The following MAF variants were observed in gnomAD, a reference collection of about 807,000 sequenced individuals.
MAF encodes MAF bZIP transcription factor, also known as transcription factor Maf.
In MAF, 10 loss-of-function variants were observed where a neutral mutation model predicts 22.0. The observed-to-expected ratio is 0.45, with a 90% CI of 0.28 to 0.77. The LOEUF (loss-of-function observed/expected upper bound fraction) is 0.77. Ranked by LOEUF, MAF falls within the 30% of genes least tolerant of loss-of-function variation. The pLI, the probability that MAF is intolerant of heterozygous loss-of-function variation, is 0.12. For synonymous variants in MAF, 337 were observed against 255.8 expected (o/e 1.32, Z -3.03); for missense variants, 544 against 548.4 (o/e 0.99, Z 0.08).
chr16:79,297,497 A>G, the MAF span, among the ~76,000 whole-genome samples: 3 of 152,114 alleles, frequency 2.0e-5, no homozygotes, highest in Admixed American at 1.3e-4. Flanking sequence ...TCCCAAGTTG[A>G]CCATATTTGG....
chr16:79,303,328 T>C, the MAF span, among the ~76,000 whole-genome samples: 1 of 152,206 alleles, frequency 6.6e-6, no homozygotes, highest in Non-Finnish European at 1.5e-5. Flanking sequence ...ACCAGGCAGA[T>C]AAATAGCAGG....
the MAF span, among the ~76,000 whole-genome samples, chr16:79,381,589 C>G: frequency 1.3e-5 from 2 of 152,196 alleles, no homozygotes; most frequent in African/African-American, 4.8e-5. Context: ...TCCCCCCATT[C>G]CTGGCCCTGG....
the MAF span, among the ~76,000 whole-genome samples, chr16:79,426,798 G>C: frequency 3.3e-5 from 5 of 152,310 alleles, no homozygotes; most frequent in East Asian, 7.7e-4. Flanking sequence ...TTTCCCTCTG[G>C]GTCTGTTAGC....
chr16:79,564,617 G>C, the MAF span, among the ~76,000 whole-genome samples: 1 of 152,168 alleles, frequency 6.6e-6, no homozygotes, highest in Non-Finnish European at 1.5e-5. Flanking sequence ...GGGGCATGGA[G>C]CACCCTGTGG....
chr16:79,415,498 G>C, the MAF span, among the ~76,000 whole-genome samples: 1 of 152,208 alleles, frequency 6.6e-6, no homozygotes, highest in Non-Finnish European at 1.5e-5. Context: ...ATGTGTTGGG[G>C]CAGAAGTCCC....
the MAF span, among the ~76,000 whole-genome samples, chr16:79,315,057 A>G: frequency 6.6e-6 from 1 of 152,322 alleles, no homozygotes; most frequent in East Asian, 1.9e-4. Flanking sequence ...TTTGTCTGCT[A>G]TATTATTAAT....
the MAF span, among the ~76,000 whole-genome samples, chr16:79,390,572 G>T: frequency 6.6e-6 from 1 of 152,152 alleles, no homozygotes; most frequent in Admixed American, 6.5e-5. Context: ...GGAACAGACT[G>T]CTCTGAAAAC....
the MAF span, among the ~76,000 whole-genome samples, chr16:79,225,384 C>T: frequency 6.6e-6 from 1 of 152,132 alleles, no homozygotes; most frequent in Non-Finnish European, 1.5e-5. Context: ...AAGACCTAAA[C>T]ATAAGACCTA....
At chr16:79,552,747 C>T in the MAF span, among the ~76,000 whole-genome samples, 3 of 152,170 alleles carry the variant, frequency 2.0e-5, no homozygotes, top group African/African-American at 7.2e-5. Context: ...TTTGCTACCA[C>T]CAGACTAATT....
the MAF span, among the ~76,000 whole-genome samples, chr16:79,573,832 TA>T: frequency 6.6e-6 from 1 of 152,238 alleles, no homozygotes; most frequent in East Asian, 1.9e-4. Flanking sequence ...AATGTCAGGC[TA>T]GGGGTCTTTT....
At chr16:79,536,832 T>C in the MAF span, among the ~76,000 whole-genome samples, 1 of 152,222 alleles carries the variant, frequency 6.6e-6, no homozygotes, top group Admixed American at 6.5e-5. Flanking sequence ...TATCTGAAGA[T>C]GTGTGTAAGT....
the MAF span, among the ~76,000 whole-genome samples, chr16:79,425,492 C>T: frequency 6.6e-6 from 1 of 152,176 alleles, no homozygotes; most frequent in African/African-American, 2.4e-5. Flanking sequence ...GGGGTGGGAA[C>T]TGATTGGAAA....
At chr16:79,581,170 G>A (rs1912493700), downstream of MAF, among the ~76,000 whole-genome samples, 1 of 152,136 alleles carries the variant, frequency 6.6e-6, no homozygotes, top group Non-Finnish European at 1.5e-5. Flanking sequence ...AGAGGAGAGA[G>A]AAGAGGAAAA....
chr16:79,564,393 A>G, the MAF span, among the ~76,000 whole-genome samples: 1 of 152,238 alleles, frequency 6.6e-6, no homozygotes, highest in African/African-American at 2.4e-5. Context: ...TTTATAGCCG[A>G]ATAAGGTCAA....
the MAF span, among the ~76,000 whole-genome samples, chr16:79,575,888 T>C: frequency 6.6e-6 from 1 of 152,160 alleles, no homozygotes; most frequent in Non-Finnish European, 1.5e-5. Context: ...CTTGGAAGGC[T>C]CATTCCATCA....
the MAF span, among the ~76,000 whole-genome samples, chr16:79,569,747 C>A: frequency 4.6e-5 from 7 of 152,256 alleles, no homozygotes; most frequent in East Asian, 1.4e-3. Flanking sequence ...TTGATCTGGG[C>A]TGGGGAATAG....
At chr16:79,391,804 G>A in the MAF span, among the ~76,000 whole-genome samples, 1 of 151,912 alleles carries the variant, frequency 6.6e-6, no homozygotes, top group Non-Finnish European at 1.5e-5. Flanking sequence ...CAAAGCAAAT[G>A]TGTCCCCCTT....
chr16:79,304,239 A>G, the MAF span, among the ~76,000 whole-genome samples: 498 of 152,250 alleles, frequency 3.3e-3, 1 homozygote, highest in Middle Eastern at 0.017. Context: ...AGAGACATCA[A>G]TGTCAGCCCG....
the MAF span, among the ~76,000 whole-genome samples, chr16:79,552,083 C>T: frequency 6.6e-6 from 1 of 152,132 alleles, no homozygotes; most frequent in African/African-American, 2.4e-5. Flanking sequence ...CCTAACCGCC[C>T]CAAGACCCCC....
Sources: allele counts gnomAD v4.1 joint callset (sites outside exome capture counted in the v4.1 genomes callset), GRCh38; gene constraint gnomAD v4.1.1; transcripts MANE v1.5; gene names NCBI Gene and HGNC (gene_info 2026-07-23, HGNC 2026-07-21).